SORT1: variants seen among roughly 807,000 people sequenced by gnomAD.
SORT1 encodes sortilin.
Under a neutral mutation model 101.7 loss-of-function variants are expected in SORT1, and 39 were observed. That is an observed-to-expected ratio of 0.38 (90% confidence interval 0.30 to 0.50). The LOEUF is 0.50. Ranked by LOEUF, SORT1 falls within the 20% of genes least tolerant of loss-of-function variation. The pLI is 0.90. For synonymous variants in SORT1, 396 were observed against 393.7 expected (o/e 1.01, Z -0.07); for missense variants, 878 against 1,040.4 (o/e 0.84, Z 2.15).
In SORT1 at chr1:109,316,975, AT is replaced by A. The variant is rs1352811271; in HGVS notation, c.2142-18del. 6.7e-7 allele frequency: 1 copy of A among 1,491,952 alleles called. No homozygotes were observed. The highest frequency in any genetic ancestry group is 9.3e-7 in the Non-Finnish European group (1 of 1,080,174). 92.4% of individuals were successfully genotyped at this position (1,491,952 alleles called of 1,614,324 possible). A position where few individuals can be genotyped will look rare whatever the true frequency, so the allele number is the denominator to read the frequency against. Reference sequence around the variant, plus strand: ...TTCCGGTACCTACCAGGCAAAGAAGATTTGGTAACAGAAGATAAGGATGTAT... The same window carrying A: ...TTCCGGTACCTACCAGGCAAAGAAGATTGGTAACAGAAGATAAGGATGTAT... On this transcript the variant is annotated intron_variant, in intron 16 of 19. Transcript: ENST00000256637.
chr1:109,382,886 A>G (rs1192415999), intron 1 of SORT1, among the ~76,000 whole-genome samples: 5 of 152,208 alleles, frequency 3.3e-5, no homozygotes, highest in Non-Finnish European at 7.3e-5. Context: ...ATCTTAAAGC[A>G]GGGGGCCCCC....
At chr1:109,362,837 G>A (rs1650817574) in intron 3 of SORT1, among the ~76,000 whole-genome samples, 1 of 151,426 alleles carries the variant, frequency 6.6e-6, no homozygotes, top group Non-Finnish European at 1.5e-5. Flanking sequence ...TGTTGTAAAT[G>A]GAATTTATCC....
In SORT1 at chr1:109,350,953, T is replaced by G. The variant is rs1395167965; in HGVS notation, c.758A>C (p.His253Pro). 1.2e-5 allele frequency: 19 copies of G among 1,612,756 alleles called. No homozygotes were observed. The highest frequency in any genetic ancestry group is 1.5e-5 in the Non-Finnish European group (18 of 1,178,806). Reference sequence around the variant, plus strand: ...CCATTTGGCCAAACATACTGCTTTGTGGATTTCTTCCCATTTTCCCCCAAA... The same window carrying G: ...CCATTTGGCCAAACATACTGCTTTGGGGATTTCTTCCCATTTTCCCCCAAA... ...KNFGGKWEEI[H>P]KAVCLAKWGS... Residue 253 changes from histidine to proline, a missense_variant, in exon 6 of 20, where the codon CAC becomes CCC. Physicochemically the swap from His to Pro is moderately conservative, Grantham distance 77 (BLOSUM62 -2). Transcript: ENST00000256637.
At chr1:109,335,088 T>C (rs1226029429) in intron 11 of SORT1, among the ~76,000 whole-genome samples, 1 of 152,080 alleles carries the variant, frequency 6.6e-6, no homozygotes. Context: ...AGGCCCAACT[T>C]CCTCCAGGAA....
chr1:109,379,361 G>A (rs114564666), intron 1 of SORT1, among the ~76,000 whole-genome samples: 6,934 of 152,044 alleles, frequency 0.046, 190 homozygotes, highest in Non-Finnish European at 0.062. Flanking sequence ...TTACGAATTT[G>A]TATTGGGTTG....
intron 9 of SORT1, 27 bp from the exon 10 acceptor site, chr1:109,340,906 C>T (rs1247223704): frequency 1.1e-5 from 18 of 1,590,652 alleles, no homozygotes; most frequent in East Asian, 2.2e-5. Flanking sequence ...AACAAAAATA[C>T]TAAGTCTTGG....
intron 13 of SORT1, 90 bp from the exon 14 acceptor site, chr1:109,325,179 G>A: frequency 4.8e-6 from 3 of 625,238 alleles, no homozygotes; most frequent in Non-Finnish European, 5.2e-6. Flanking sequence ...TCCCAAACCA[G>A]ACAAAACCCC....
At chr1:109,340,175 G>GA (rs1254168052) in intron 10 of SORT1, among the ~76,000 whole-genome samples, 1 of 144,554 alleles carries the variant, frequency 6.9e-6, no homozygotes, top group Non-Finnish European at 1.5e-5. Context: ...GAAAGAAAAA[G>GA]AAAAAAAAGG....
chr1:109,310,346 A>G lies in SORT1; in HGVS notation c.*3697T>C, dbSNP rs1416603658. 1 of 153,908 alleles carries G rather than the reference A, an allele frequency of 6.5e-6. No homozygotes were observed. Among genetic ancestry groups the G allele is most frequent in the Non-Finnish European group, 1.5e-5 (1 of 68,054 alleles). The allele number at this position is 153,908 out of a possible 1,614,324, so 9.5% of individuals were successfully genotyped here. ...AAATCAACATGCTCCTGCTATTTCAATGATGCTTCATGAGGGCAAGGCCTG... is the reference window on the plus strand; with the variant it reads ...AAATCAACATGCTCCTGCTATTTCAGTGATGCTTCATGAGGGCAAGGCCTG... On this transcript the variant is annotated 3_prime_UTR_variant, in exon 20 of 20. Coordinates refer to ENST00000256637, the MANE Select transcript of SORT1 (RefSeq NM_002959.7).
chr1:109,349,347 G>GA (rs551522760), intron 6 of SORT1, among the ~76,000 whole-genome samples: 15 of 148,448 alleles, frequency 1.0e-4, no homozygotes, highest in South Asian at 8.5e-4. Flanking sequence ...TCCGTCTCAA[G>GA]AAAAAAAAAA....
chr1:109,395,208 C>CTT lies in SORT1; in HGVS notation c.306+2377_306+2378dup, dbSNP rs71069681. Among the ~76,000 whole-genome samples the CTT allele has an allele frequency of 2.0e-3, 85 of 42,606 alleles. 4 individuals are homozygous for CTT. Among genetic ancestry groups the CTT allele is most frequent in the African/African-American group, 6.3e-3 (69 of 10,882 alleles). The allele number at this position is 42,606 out of a possible 152,430, so 28.0% of individuals were successfully genotyped here. On this transcript the variant is annotated intron_variant, in intron 1 of 19. Transcript: ENST00000256637. ...CACGGATGACTAACAAACGCAAAAA[C>CTT]TTTTTTTTTTTTTTTTTTTTTTTTT...
chr1:109,396,182 A>G (rs1321290441), intron 1 of SORT1, among the ~76,000 whole-genome samples: 1 of 152,178 alleles, frequency 6.6e-6, no homozygotes, highest in African/African-American at 2.4e-5. Flanking sequence ...CTATCTCACA[A>G]AAAAAGAGAA....
intron 1 of SORT1, among the ~76,000 whole-genome samples, chr1:109,391,166 T>C (rs1158481612): frequency 1.3e-5 from 2 of 152,088 alleles, no homozygotes; most frequent in African/African-American, 4.8e-5. Flanking sequence ...CGGTAAAATA[T>C]TACCCCCAAA....
chr1:109,340,577 T>TA (rs58727572), intron 10 of SORT1, 147 bp downstream of exon 10: 51,086 of 603,718 alleles, frequency 0.085, no homozygotes, highest in East Asian at 0.1. Context: ...ATTGCCACAA[T>TA]AAAAAAAAAA....
chr1:109,340,588 AAG>A, intron 10 of SORT1, 134 bp downstream of exon 10: 2 of 874,790 alleles, frequency 2.3e-6, no homozygotes, highest in Non-Finnish European at 3.5e-6. Context: ...AAAAAAAAAA[AAG>A]GAAACAAAAA....
intron 2 of SORT1, 46 bp downstream of exon 2, chr1:109,369,484 T>C: frequency 2.4e-6 from 3 of 1,234,166 alleles, no homozygotes; most frequent in South Asian, 2.4e-5. Flanking sequence ...AAATCTGTTA[T>C]CATCTTCTTG....
At chr1:109,341,172 G>T (rs1482022759) in intron 9 of SORT1, among the ~76,000 whole-genome samples, 1 of 152,218 alleles carries the variant, frequency 6.6e-6, no homozygotes, top group South Asian at 2.1e-4. Context: ...GGTGGGAGAG[G>T]CCCTATGTTT....
chr1:109,336,416 G>T, intron 10 of SORT1, 70 bp from the exon 11 acceptor site: 1 of 974,172 alleles, frequency 1.0e-6, no homozygotes, highest in East Asian at 2.4e-5. Context: ...CTTTATCACT[G>T]CATGACTCTC....
intron 1 of SORT1, among the ~76,000 whole-genome samples, chr1:109,395,348 A>C (rs771832918): frequency 1.0e-3 from 159 of 151,456 alleles, no homozygotes; most frequent in Non-Finnish European, 1.7e-3. Context: ...AGCCTCCAGA[A>C]TAACTGGAAT....
Sources: gnomAD v4.1 joint callset for allele counts (sites outside exome capture counted in the v4.1 genomes callset) on GRCh38, gnomAD v4.1.1 for gene constraint, MANE v1.5 for transcripts, NCBI Gene and HGNC (gene_info 2026-07-23, HGNC 2026-07-21) for gene names.